EXOC6B: variants seen among roughly 807,000 people sequenced by gnomAD.
EXOC6B encodes SEC15 homolog B.
A neutral mutation model predicts 113.5 loss-of-function variants in EXOC6B; 54 were observed. That is an observed-to-expected ratio of 0.48 (90% confidence interval 0.38 to 0.60). The LOEUF (loss-of-function observed/expected upper bound fraction) is 0.60. EXOC6B is among the 20% of genes least tolerant of loss of function. The pLI is 0.00. For synonymous variants in EXOC6B, 357 were observed against 339.0 expected (o/e 1.05, Z -0.58); for missense variants, 797 against 977.5 (o/e 0.82, Z 2.46).
chr2:72,675,245 C>G (rs910298782), intron 6 of EXOC6B, among the ~76,000 whole-genome samples: 2 of 152,186 alleles, frequency 1.3e-5, no homozygotes, highest in African/African-American at 2.4e-5. Context: ...AAAACTGCCA[C>G]AGTTGATTAA....
chr2:72,608,822 A>G (rs954880632), intron 6 of EXOC6B, among the ~76,000 whole-genome samples: 4 of 152,154 alleles, frequency 2.6e-5, no homozygotes, highest in Non-Finnish European at 4.4e-5. Context: ...AGTATCACAA[A>G]GAGATGAGCC....
chr2:72,702,053 C>T (rs980428356), intron 6 of EXOC6B, among the ~76,000 whole-genome samples: 4 of 151,418 alleles, frequency 2.6e-5, no homozygotes, highest in Admixed American at 6.6e-5. Context: ...GTATATCTCC[C>T]GATGCTAACC....
At chr2:72,543,217 C>G (rs866027937) in intron 8 of EXOC6B, among the ~76,000 whole-genome samples, 3 of 151,970 alleles carry the variant, frequency 2.0e-5, no homozygotes, top group Admixed American at 2.0e-4. Context: ...AGGCTAAGGA[C>G]AGAATATGGA....
intron 20 of EXOC6B, among the ~76,000 whole-genome samples, chr2:72,312,281 G>A (rs1468795848): frequency 6.6e-6 from 1 of 151,910 alleles, no homozygotes; most frequent in Non-Finnish European, 1.5e-5. Flanking sequence ...AAACCAAGCG[G>A]GCCATCCCCT....
intron 1 of EXOC6B, among the ~76,000 whole-genome samples, chr2:72,821,558 G>T (rs1046651474): frequency 1.3e-5 from 2 of 152,070 alleles, no homozygotes; most frequent in African/African-American, 4.8e-5. Flanking sequence ...CCCCAAAATG[G>T]AAACAACCCA....
At chr2:72,246,906 G>C (rs1682700721) in intron 20 of EXOC6B, among the ~76,000 whole-genome samples, 6 of 152,164 alleles carry the variant, frequency 3.9e-5, no homozygotes, top group Admixed American at 3.9e-4. Context: ...ATCTATAAAG[G>C]CAGGGAGGTG....
chr2:72,598,500 T>G (rs191280459), intron 6 of EXOC6B, among the ~76,000 whole-genome samples: 99 of 151,802 alleles, frequency 6.5e-4, no homozygotes, highest in African/African-American at 2.3e-3. Context: ...CAAGAGAAAG[T>G]GTAGCAATAT....
intron 8 of EXOC6B, among the ~76,000 whole-genome samples, chr2:72,525,081 A>G (rs1348748184): frequency 1.3e-5 from 2 of 152,244 alleles, no homozygotes; most frequent in Non-Finnish European, 2.9e-5. Flanking sequence ...ATAGGAGAGC[A>G]TCCCCTCCGG....
At chr2:72,737,860 A>T (rs1681063945) in intron 2 of EXOC6B, among the ~76,000 whole-genome samples, 1 of 152,194 alleles carries the variant, frequency 6.6e-6, no homozygotes, top group Non-Finnish European at 1.5e-5. Flanking sequence ...TCAAAAAAAA[A>T]AGTTATTTTA....
intron 1 of EXOC6B, among the ~76,000 whole-genome samples, chr2:72,770,166 AAT>A (rs1281413976): frequency 6.6e-6 from 1 of 152,224 alleles, no homozygotes; most frequent in Non-Finnish European, 1.5e-5. Flanking sequence ...ATGAAGACTG[AAT>A]ATATTTAACT....
intron 20 of EXOC6B, among the ~76,000 whole-genome samples, chr2:72,242,157 A>C (rs1275591378): frequency 6.6e-6 from 1 of 152,166 alleles, no homozygotes; most frequent in Non-Finnish European, 1.5e-5. Context: ...GTGCCACTGC[A>C]CTCCAGCCTG....
At chr2:72,474,529 A>T (rs1192830635) in intron 17 of EXOC6B, among the ~76,000 whole-genome samples, 1 of 151,424 alleles carries the variant, frequency 6.6e-6, no homozygotes, top group Non-Finnish European at 1.5e-5. Context: ...CTTCTGCTTG[A>T]TCTAGTCTAC....
intron 6 of EXOC6B, among the ~76,000 whole-genome samples, chr2:72,696,101 T>C (rs1677858986): frequency 6.6e-6 from 1 of 152,220 alleles, no homozygotes; most frequent in Non-Finnish European, 1.5e-5. Flanking sequence ...ACTCTCCATA[T>C]GTCAGTCATG....
chr2:72,240,006 C>A (rs1682205185), intron 20 of EXOC6B, among the ~76,000 whole-genome samples: 1 of 151,926 alleles, frequency 6.6e-6, no homozygotes, highest in African/African-American at 2.4e-5. Context: ...GTATAATATA[C>A]CAAGGTACAA....
chr2:72,280,067 G>C (rs1212586663), intron 20 of EXOC6B, among the ~76,000 whole-genome samples: 1 of 152,058 alleles, frequency 6.6e-6, no homozygotes, highest in East Asian at 1.9e-4. Flanking sequence ...TTTTTCATTT[G>C]TCTCATGGCA....
chr2:72,377,328 T>C (rs1178871399), intron 19 of EXOC6B, among the ~76,000 whole-genome samples: 1 of 152,158 alleles, frequency 6.6e-6, no homozygotes, highest in East Asian at 1.9e-4. Context: ...ACAACTACCA[T>C]ATGATTCAGT....
chr2:72,363,136 T>G (rs538290532), intron 19 of EXOC6B, among the ~76,000 whole-genome samples: 184 of 152,234 alleles, frequency 1.2e-3, no homozygotes, highest in African/African-American at 4.1e-3. Context: ...ATAAACATAC[T>G]GAGATCTAAG....
chr2:72,651,597 T>C (rs1364403938), intron 6 of EXOC6B, among the ~76,000 whole-genome samples: 2 of 152,250 alleles, frequency 1.3e-5, no homozygotes, highest in African/African-American at 4.8e-5. Context: ...GTTTCTTATT[T>C]AGTGAGCACT....
chr2:72,476,302 C>T (rs766301687), intron 17 of EXOC6B, among the ~76,000 whole-genome samples: 1 of 152,140 alleles, frequency 6.6e-6, no homozygotes, highest in African/African-American at 2.4e-5. Context: ...GCCTAATTTC[C>T]TTCCCCTTCC....
Sources: gnomAD v4.1 joint callset for allele counts (sites outside exome capture counted in the v4.1 genomes callset) on GRCh38, gnomAD v4.1.1 for gene constraint, MANE v1.5 for transcripts, NCBI Gene and HGNC (gene_info 2026-07-23, HGNC 2026-07-21) for gene names.